Variants in SLC9C1 observed in about 807,000 individuals in gnomAD.
SLC9C1 encodes the protein sodium/hydrogen exchanger 10.
In SLC9C1, 97 loss-of-function variants were observed where a neutral mutation model predicts 140.9. The ratio of observed to expected loss-of-function variants is 0.69; its 90% CI spans 0.58 to 0.82. The LOEUF (loss-of-function observed/expected upper bound fraction) is 0.82. SLC9C1 is among the 40% of genes least tolerant of loss of function. SLC9C1 has a pLI of 0.00. For synonymous variants in SLC9C1, 440 were observed against 442.6 expected (o/e 0.99, Z 0.07); for missense variants, 1,340 against 1,389.3 (o/e 0.96, Z 0.56).
At chr3:112,167,119 A>G (rs1460020149) in intron 26 of SLC9C1, 102 bp downstream of exon 26, 5 of 1,329,936 alleles carry the variant, frequency 3.8e-6, no homozygotes, top group African/African-American at 3.0e-5. Context: ...AGGATTCCTC[A>G]ATATATTAGG....
intron 13 of SLC9C1, among the ~76,000 whole-genome samples, chr3:112,230,028 C>G (rs1475567243): frequency 6.6e-6 from 1 of 152,070 alleles, no homozygotes; most frequent in African/African-American, 2.4e-5. Flanking sequence ...TTGTAAAATA[C>G]TCCTTTGTGC....
chr3:112,214,525 G>C (rs562032285), intron 15 of SLC9C1, among the ~76,000 whole-genome samples: 1 of 152,080 alleles, frequency 6.6e-6, no homozygotes, highest in Admixed American at 6.5e-5. Flanking sequence ...TGATAAAGGG[G>C]ATATCACCAC....
chr3:112,190,967 A>G (rs560575535), intron 20 of SLC9C1, among the ~76,000 whole-genome samples: 55 of 93,876 alleles, frequency 5.9e-4, no homozygotes, highest in African/African-American at 2.0e-3. Context: ...ACACACACAT[A>G]TATATATATG....
intron 7 of SLC9C1, among the ~76,000 whole-genome samples, chr3:112,267,329 C>T (rs2079946513): frequency 6.6e-6 from 1 of 151,788 alleles, no homozygotes; most frequent in Non-Finnish European, 1.5e-5. Context: ...GTAATCCCAG[C>T]ACTTTGGGAG....
At chr3:112,264,146 C>G in intron 9 of SLC9C1, 54 bp downstream of exon 9, 5 of 807,128 alleles carry the variant, frequency 6.2e-6, no homozygotes, top group Non-Finnish European at 8.3e-6. Context: ...TAAAAGATGA[C>G]CTTCAAACTT....
chr3:112,238,628 G>T (rs1457704195), intron 12 of SLC9C1, among the ~76,000 whole-genome samples: 11 of 152,290 alleles, frequency 7.2e-5, no homozygotes, highest in African/African-American at 2.4e-4. Context: ...TGTACAGATG[G>T]GGTTTTGGTG....
At chr3:112,183,290 G>A (rs1033108834) in intron 20 of SLC9C1, among the ~76,000 whole-genome samples, 37 of 136,518 alleles carry the variant, frequency 2.7e-4, no homozygotes, top group Non-Finnish European at 4.3e-4. Flanking sequence ...TTGTGTATTG[G>A]TATTTCATTT....
intron 10 of SLC9C1, among the ~76,000 whole-genome samples, chr3:112,255,934 A>C (rs2079594604): frequency 6.6e-6 from 1 of 152,200 alleles, no homozygotes; most frequent in African/African-American, 2.4e-5. Flanking sequence ...AATAACCATC[A>C]GAGACTACTA....
intron 28 of SLC9C1, among the ~76,000 whole-genome samples, chr3:112,147,861 T>G (rs1315041967): frequency 6.6e-6 from 1 of 152,240 alleles, no homozygotes; most frequent in Non-Finnish European, 1.5e-5. Flanking sequence ...AAATATATTC[T>G]ATAGGTTGTT....
chr3:112,176,973 T>G (rs1430594216), intron 23 of SLC9C1, among the ~76,000 whole-genome samples: 1 of 151,708 alleles, frequency 6.6e-6, no homozygotes, highest in Non-Finnish European at 1.5e-5. Flanking sequence ...TATCTTGACT[T>G]CTTGACTCCT....
chr3:112,260,797 T>C (rs1256144883), intron 10 of SLC9C1, among the ~76,000 whole-genome samples: 1 of 152,128 alleles, frequency 6.6e-6, no homozygotes, highest in Non-Finnish European at 1.5e-5. Context: ...CTGTGTGGCC[T>C]TTACAATATC....
intron 16 of SLC9C1, among the ~76,000 whole-genome samples, chr3:112,207,151 GTCTT>G (rs1432853977): frequency 2.6e-5 from 4 of 152,126 alleles, no homozygotes; most frequent in Non-Finnish European, 5.9e-5. Flanking sequence ...GATACAGTCA[GTCTT>G]TCTGCATATT....
intron 13 of SLC9C1, among the ~76,000 whole-genome samples, chr3:112,225,398 G>A (rs1213849207): frequency 6.6e-6 from 1 of 151,970 alleles, no homozygotes. Flanking sequence ...GAAGCAAAAG[G>A]ACAATAACTA....
At chr3:112,284,977 C>A (rs1345888670) in intron 2 of SLC9C1, among the ~76,000 whole-genome samples, 58 of 118,014 alleles carry the variant, frequency 4.9e-4, no homozygotes, top group African/African-American at 1.3e-3. Context: ...GAAAAAAATA[C>A]AATTTTTCTT....
chr3:112,143,837 G>A (rs768767669), intron 28 of SLC9C1, among the ~76,000 whole-genome samples: 1 of 152,164 alleles, frequency 6.6e-6, no homozygotes, highest in East Asian at 1.9e-4. Context: ...GTGTTTCCTA[G>A]GTTTTCATCT....
intron 12 of SLC9C1, among the ~76,000 whole-genome samples, chr3:112,238,878 C>A (rs2108210483): frequency 6.6e-6 from 1 of 152,312 alleles, no homozygotes; most frequent in East Asian, 1.9e-4. Context: ...CTGGGGGGTG[C>A]CTCCCGGTTA....
chr3:112,175,717 G>A (rs72944223), intron 23 of SLC9C1, among the ~76,000 whole-genome samples: 3,315 of 152,300 alleles, frequency 0.022, 118 homozygotes, highest in African/African-American at 0.076. Context: ...TGAATAAGAA[G>A]TCTGACTGCT....
chr3:112,290,225 G>T (rs999113725), intron 1 of SLC9C1, among the ~76,000 whole-genome samples: 1 of 152,160 alleles, frequency 6.6e-6, no homozygotes, highest in Non-Finnish European at 1.5e-5. Context: ...CTGTACCACA[G>T]TTACACATTC....
At chr3:112,230,703 G>A (rs953535137) in intron 13 of SLC9C1, among the ~76,000 whole-genome samples, 1 of 152,092 alleles carries the variant, frequency 6.6e-6, no homozygotes, top group Non-Finnish European at 1.5e-5. Context: ...GTGTTCAACA[G>A]CTTCACAGGC....
Sources: gnomAD v4.1 joint callset for allele counts (sites outside exome capture counted in the v4.1 genomes callset) on GRCh38, gnomAD v4.1.1 for gene constraint, MANE v1.5 for transcripts, NCBI Gene and HGNC (gene_info 2026-07-23, HGNC 2026-07-21) for gene names.